The following TXLNB variants were observed in gnomAD, a reference collection of about 807,000 sequenced individuals.
The protein encoded by TXLNB is taxilin beta, also known as beta-taxilin.
A neutral mutation model predicts 57.4 loss-of-function variants in TXLNB; 37 were observed. The observed-to-expected ratio is 0.64, with a 90% confidence interval of 0.50 to 0.85. The LOEUF is 0.85. Ranked by LOEUF, TXLNB falls within the 40% of genes least tolerant of loss-of-function variation. The probability of loss-of-function intolerance (pLI) is 0.00; values close to 1 mark genes in which losing one functional copy is unlikely to be tolerated. For synonymous variants in TXLNB, 302 were observed against 309.6 expected, an observed-to-expected ratio of 0.98 and a Z score of 0.26; for missense variants, 848 against 825.6, an observed-to-expected ratio of 1.03 and a Z score of -0.33.
chr6:139,206,438 G>T, the TXLNB span, among the ~76,000 whole-genome samples: 11 of 152,316 alleles, frequency 7.2e-5, no homozygotes, highest in African/African-American at 2.6e-4. Context: ...GGAGGCCAAG[G>T]TGGGCGGATC....
At chr6:139,166,587 A>T in the TXLNB span, 1 of 1,614,230 alleles carries the variant, frequency 6.2e-7, no homozygotes, top group Non-Finnish European at 8.5e-7. Flanking sequence ...ACAGACTGGT[A>T]TCAGGTGAAG....
At chr6:139,263,891 GAAA>G (rs1776548519) in intron 4 of TXLNB, among the ~76,000 whole-genome samples, 1 of 152,102 alleles carries the variant, frequency 6.6e-6, no homozygotes, top group South Asian at 2.1e-4. Context: ...TTTTTTAAAA[GAAA>G]TAATAATTTT....
At chr6:139,193,241 C>CTTTCTTTTTT in the TXLNB span, among the ~76,000 whole-genome samples, 1 of 101,212 alleles carries the variant, frequency 9.9e-6, no homozygotes, top group Non-Finnish European at 2.0e-5. Context: ...CTTTGACCCT[C>CTTTCTTTTTT]TTTTTTTTTT....
At chr6:139,316,626 T>A in the TXLNB span, among the ~76,000 whole-genome samples, 1 of 152,226 alleles carries the variant, frequency 6.6e-6, no homozygotes, top group South Asian at 2.1e-4. Flanking sequence ...TACTGTGCTT[T>A]AACAAGTATC....
At chr6:139,254,146 A>C (rs1375190006) in intron 7 of TXLNB, among the ~76,000 whole-genome samples, 1 of 152,226 alleles carries the variant, frequency 6.6e-6, no homozygotes, top group Admixed American at 6.5e-5. Context: ...ATCAGAGAGT[A>C]GTTCATACTG....
downstream of TXLNB, among the ~76,000 whole-genome samples, chr6:139,238,735 C>T (rs1432105498): frequency 1.3e-5 from 2 of 152,174 alleles, no homozygotes; most frequent in East Asian, 1.9e-4. Flanking sequence ...AAATTGAACC[C>T]TTATGCCTCA....
chr6:139,288,944 G>T, intron 1 of TXLNB, 31 bp from the exon 2 acceptor site: 1 of 1,522,692 alleles, frequency 6.6e-7, no homozygotes, highest in Non-Finnish European at 9.0e-7. Flanking sequence ...GCTTTATGTA[G>T]CTAACCTACT....
intron 8 of TXLNB, among the ~76,000 whole-genome samples, chr6:139,246,162 C>A (rs560795200): frequency 6.6e-6 from 1 of 152,194 alleles, no homozygotes; most frequent in East Asian, 1.9e-4. Flanking sequence ...TTAAGAACTC[C>A]TGATTTAATA....
chr6:139,174,778 T>G, the TXLNB span, among the ~76,000 whole-genome samples: 1 of 152,190 alleles, frequency 6.6e-6, no homozygotes, highest in African/African-American at 2.4e-5. Context: ...GAACAGGTTA[T>G]AAAATGGTAT....
the TXLNB span, among the ~76,000 whole-genome samples, chr6:139,313,741 G>T: frequency 6.6e-6 from 1 of 152,074 alleles, no homozygotes; most frequent in African/African-American, 2.4e-5. Context: ...TCATTTATAA[G>T]ATTTTATTTT....
At chr6:139,300,587 A>G in the TXLNB span, among the ~76,000 whole-genome samples, 1 of 152,110 alleles carries the variant, frequency 6.6e-6, no homozygotes, top group Non-Finnish European at 1.5e-5. Flanking sequence ...TGTATCTTAT[A>G]TGACTCCTTT....
the TXLNB span, among the ~76,000 whole-genome samples, chr6:139,308,795 A>G: frequency 6.6e-6 from 1 of 152,208 alleles, no homozygotes. Flanking sequence ...GTTAAACAGG[A>G]ATATTTATTT....
downstream of TXLNB, chr6:139,239,110 T>C (rs572419575): frequency 1.3e-5 from 2 of 152,268 alleles, no homozygotes; most frequent in Non-Finnish European, 2.9e-5. The surrounding 1 kb of genome is among the most constrained non-coding windows in gnomAD (Gnocchi z 4.7). Flanking sequence ...TAGCTCACAG[T>C]CCTCTTCTCA....
chr6:139,292,079 C>CGA (rs1777313754), upstream of TXLNB: 1 of 134,166 alleles, frequency 7.5e-6, no homozygotes, highest in Non-Finnish European at 1.5e-5. The surrounding 1 kb of genome is among the most constrained non-coding windows in gnomAD (Gnocchi z 4.0). Flanking sequence ...CGTGCACGCA[C>CGA]GCGCGCGCAC....
At chr6:139,283,527 G>T (rs1777104014) in intron 2 of TXLNB, among the ~76,000 whole-genome samples, 1 of 135,946 alleles carries the variant, frequency 7.4e-6, no homozygotes, top group African/African-American at 2.8e-5. Context: ...GGTGAGCCGA[G>T]ATCGCACCAT....
At chr6:139,301,085 C>T in the TXLNB span, among the ~76,000 whole-genome samples, 2 of 152,158 alleles carry the variant, frequency 1.3e-5, no homozygotes, top group African/African-American at 2.4e-5. Context: ...TACCTAACTC[C>T]AGGGGTCACT....
intron 5 of TXLNB, 63 bp downstream of exon 5, chr6:139,262,516 C>A: frequency 7.1e-7 from 1 of 1,410,514 alleles, no homozygotes. Context: ...TAACCAAGTT[C>A]CCACCTTTAG....
Position 139,242,183 on chromosome 6 carries a change from A to G in TXLNB, c.*343T>C, listed in dbSNP as rs1775950448. 5.6e-6 allele frequency: 1 copy of G among 177,334 alleles called. No individual in the cohort carries two copies. The highest frequency in any genetic ancestry group is 6.3e-5 in the Admixed American group (1 of 15,958). 11.0% of individuals were successfully genotyped at this position (177,334 alleles called of 1,614,324 possible). On this transcript the variant is annotated 3_prime_UTR_variant, in exon 10 of 10. Transcript: ENST00000358430. ...AGAACATCACATTTTCAGTATTTATATATTGCAGTGGAAGTCTTTAAACAT... is the reference window on the plus strand; with the variant it reads ...AGAACATCACATTTTCAGTATTTATGTATTGCAGTGGAAGTCTTTAAACAT...
chr6:139,292,804 C>G (rs146746117), upstream of TXLNB, among the ~76,000 whole-genome samples: 40 of 152,278 alleles, frequency 2.6e-4, no homozygotes, highest in African/African-American at 9.1e-4. This position sits in a 1 kb window ranked among gnomAD's most constrained non-coding sequence, Gnocchi z 4.0. Flanking sequence ...CCATAAAATG[C>G]CTGTCTATTA....
Sources: allele counts gnomAD v4.1 joint callset (sites outside exome capture counted in the v4.1 genomes callset), GRCh38; gene constraint gnomAD v4.1.1; non-coding constraint Gnocchi (gnomAD v3.1); transcripts MANE v1.5; gene names NCBI Gene and HGNC (gene_info 2026-07-23, HGNC 2026-07-21).